The following BBX variants were observed in gnomAD, a reference collection of about 807,000 sequenced individuals.
BBX encodes the protein HMG box transcription factor BBX.
BBX carries 30 observed loss-of-function variants against 100.2 expected under a neutral mutation model. The observed-to-expected ratio is 0.30, with a 90% CI of 0.22 to 0.41. BBX has a LOEUF of 0.41. BBX is among the 10% of genes least tolerant of loss of function. BBX has a pLI of 1.00. For missense variants in BBX, 1,023 were observed against 1,129.8 expected (o/e 0.91, Z 1.35); for synonymous variants, 376 against 388.1 (o/e 0.97, Z 0.37).
chr3:107,647,885 G>A (rs1389913999), intron 3 of BBX, among the ~76,000 whole-genome samples: 1 of 152,066 alleles, frequency 6.6e-6, no homozygotes, highest in African/African-American at 2.4e-5. Flanking sequence ...ATGTCTTGCA[G>A]AGGAAAGAGG....
intron 2 of BBX, among the ~76,000 whole-genome samples, chr3:107,585,060 C>T (rs892147062): frequency 4.6e-5 from 7 of 152,056 alleles, no homozygotes; most frequent in Admixed American, 4.6e-4. Flanking sequence ...AGATCCAGTT[C>T]AGTGGCATGA....
At chr3:107,719,818 T>C (rs1165487027) in intron 5 of BBX, among the ~76,000 whole-genome samples, 2 of 152,076 alleles carry the variant, frequency 1.3e-5, no homozygotes, top group Non-Finnish European at 2.9e-5. Flanking sequence ...ATGTATGTGC[T>C]CTTACAGGAA....
At chr3:107,632,245 T>C (rs952839658) in intron 2 of BBX, among the ~76,000 whole-genome samples, 2 of 142,754 alleles carry the variant, frequency 1.4e-5, no homozygotes, top group African/African-American at 5.3e-5. Flanking sequence ...GCCCAGCTAA[T>C]TTTTTTTTTT....
At chr3:107,678,893 T>C (rs918140177) in intron 3 of BBX, among the ~76,000 whole-genome samples, 14 of 152,144 alleles carry the variant, frequency 9.2e-5, no homozygotes, top group African/African-American at 3.1e-4. Context: ...ATCCTCACAA[T>C]GAAATAGATA....
At position 107,805,329 on chromosome 3, in the gene BBX, A is replaced by G. The variant is rs138880230; in HGVS notation, c.2739-41A>G. 1,325 of 1,580,250 alleles carry G rather than the reference A, an allele frequency of 8.4e-4. 4 individuals are homozygous for G. The African/African-American group carries it at 0.016, about 19-fold the overall frequency. On this transcript the variant is annotated intron_variant, in intron 17 of 17. Coordinates refer to ENST00000325805, the MANE Select transcript of BBX (RefSeq NM_001142568.3). ...ATCGTCCTCTCCTGTCTCTAATAAC[A>G]TATGCTGAATAAGTGACTTTTTCTT...
intron 2 of BBX, among the ~76,000 whole-genome samples, chr3:107,576,547 G>A (rs1005906592): frequency 1.3e-5 from 2 of 152,124 alleles, no homozygotes; most frequent in African/African-American, 2.4e-5. Context: ...AAGCTTGAAT[G>A]TATATTACAT....
chr3:107,627,633 T>G (rs1471445868), intron 2 of BBX, among the ~76,000 whole-genome samples: 2 of 152,208 alleles, frequency 1.3e-5, no homozygotes, highest in Admixed American at 6.5e-5. Context: ...GAATATCATT[T>G]AAACTTTTAC....
chr3:107,714,263 C>T (rs2061944362), intron 4 of BBX, among the ~76,000 whole-genome samples: 1 of 152,020 alleles, frequency 6.6e-6, no homozygotes, highest in African/African-American at 2.4e-5. Flanking sequence ...AGAGCCACCA[C>T]ACCCAACCTG....
At chr3:107,695,821 G>C (rs942416798) in intron 3 of BBX, among the ~76,000 whole-genome samples, 2 of 151,596 alleles carry the variant, frequency 1.3e-5, no homozygotes, top group African/African-American at 4.9e-5. Context: ...TTATTAATGT[G>C]TGGGAGTCTA....
At chr3:107,620,802 C>T (rs1050828224) in intron 2 of BBX, among the ~76,000 whole-genome samples, 3 of 151,998 alleles carry the variant, frequency 2.0e-5, no homozygotes, top group African/African-American at 7.3e-5. Context: ...CTCTTTACTA[C>T]TGGGCAGTGG....
At chr3:107,753,665 C>T (rs1488689454) in intron 9 of BBX, among the ~76,000 whole-genome samples, 2 of 152,120 alleles carry the variant, frequency 1.3e-5, no homozygotes, top group Non-Finnish European at 2.9e-5. Context: ...GAGTGACACA[C>T]ACGGGGAACA....
intron 2 of BBX, among the ~76,000 whole-genome samples, chr3:107,550,473 G>A (rs903176081): frequency 6.6e-6 from 1 of 152,130 alleles, no homozygotes; most frequent in South Asian, 2.1e-4. Flanking sequence ...TTTTTAGCAG[G>A]TGGTACAGCA....
At chr3:107,608,099 C>T (rs1472438781) in intron 2 of BBX, among the ~76,000 whole-genome samples, 2 of 152,054 alleles carry the variant, frequency 1.3e-5, no homozygotes, top group African/African-American at 4.8e-5. Flanking sequence ...TCTTTGGTTG[C>T]CTGCGCTTGT....
At chr3:107,789,707 G>T in intron 13 of BBX, 80 bp from the exon 14 acceptor site, 1 of 1,019,194 alleles carries the variant, frequency 9.8e-7, no homozygotes, top group Non-Finnish European at 1.4e-6. Flanking sequence ...AGGGAGGAGG[G>T]TGGAATTGTT....
chr3:107,704,010 T>C (rs2061241837), intron 3 of BBX, among the ~76,000 whole-genome samples: 1 of 152,152 alleles, frequency 6.6e-6, no homozygotes, highest in Non-Finnish European at 1.5e-5. Context: ...GTATTATAGC[T>C]CTTTTTCCCA....
At chr3:107,697,474 G>C (rs1432680945) in intron 3 of BBX, among the ~76,000 whole-genome samples, 1 of 151,884 alleles carries the variant, frequency 6.6e-6, no homozygotes, top group African/African-American at 2.4e-5. Context: ...GTGTCAGTCT[G>C]CCCCTGCTGG....
chr3:107,640,008 A>G (rs541058080), intron 2 of BBX, among the ~76,000 whole-genome samples: 1 of 152,330 alleles, frequency 6.6e-6, no homozygotes, highest in East Asian at 1.9e-4. Flanking sequence ...ATCTCTAATG[A>G]GATTACTGAC....
intron 8 of BBX, among the ~76,000 whole-genome samples, chr3:107,746,989 T>G (rs1171634716): frequency 6.6e-6 from 1 of 152,194 alleles, no homozygotes; most frequent in Non-Finnish European, 1.5e-5. Flanking sequence ...GCCCAGGCTT[T>G]CTGCTCCTGT....
In BBX at chr3:107,734,018, A is replaced by G. The variant is rs917252980; in HGVS notation, c.669+995A>G. ...AGGTTTTTGAGATGGAAATTTTTCA[A>G]TCCCCAACCAGAATTGTTGTTTAGG... is the stretch of plus-strand genomic sequence containing the variant. On this transcript the variant is annotated intron_variant, in intron 7 of 17. Coordinates refer to ENST00000325805, the MANE Select transcript of BBX (RefSeq NM_001142568.3). Among the ~76,000 whole-genome samples, 12 of 152,286 alleles carry G rather than the reference A, an allele frequency of 7.9e-5. No homozygotes were observed. In the East Asian group the frequency reaches 9.6e-4, roughly 12 times the overall value.
Sources: gnomAD v4.1 joint callset for allele counts (sites outside exome capture counted in the v4.1 genomes callset) on GRCh38, gnomAD v4.1.1 for gene constraint, MANE v1.5 for transcripts, NCBI Gene and HGNC (gene_info 2026-07-23, HGNC 2026-07-21) for gene names.